AK5: variants seen among roughly 807,000 people sequenced by gnomAD.
The protein encoded by AK5 is adenylate kinase 5, also known as adenylate kinase isoenzyme 5.
Under a neutral mutation model 69.5 loss-of-function variants are expected in AK5, and 27 were observed. That is an observed-to-expected ratio of 0.39 (90% CI 0.29 to 0.54). AK5 has a LOEUF of 0.54. Among genes scored for constraint, AK5 ranks in the 20% least tolerant of loss-of-function variants. The pLI is 0.71. For missense variants in AK5, 531 were observed against 700.4 expected (o/e 0.76, Z 2.73); for synonymous variants, 260 against 244.4 (o/e 1.06, Z -0.60).
intron 10 of AK5, among the ~76,000 whole-genome samples, chr1:77,487,124 G>A (rs879724401): frequency 6.6e-6 from 1 of 152,164 alleles, no homozygotes; most frequent in Non-Finnish European, 1.5e-5. Flanking sequence ...GATTAATTGT[G>A]GGAGAAAATG....
At chr1:77,517,315 C>A (rs951736561) in intron 10 of AK5, among the ~76,000 whole-genome samples, 1 of 152,096 alleles carries the variant, frequency 6.6e-6, no homozygotes, top group African/African-American at 2.4e-5. Context: ...GATTGCCATA[C>A]GCCAGGCGGA....
At position 77,492,329 on chromosome 1, in the gene AK5, GCA is replaced by G. The variant is rs370508546; in HGVS notation, c.1147+5982_1147+5983del. 1.8e-4 allele frequency among the ~76,000 whole-genome samples: 28 copies of G among 152,304 alleles called. 1 individual carries two copies. Among genetic ancestry groups the G allele is most frequent in the African/African-American group, 6.7e-4 (28 of 41,562 alleles). ...TTTACTGTGAGTACATGGTAATGAA[GCA>G]CACAACTAGTACAGCAGGACTAATA... On this transcript the variant is annotated intron_variant, in intron 10 of 13. Coordinates refer to ENST00000354567, the MANE Select transcript of AK5 (RefSeq NM_174858.3).
chr1:77,431,805 G>A (rs1651657216), intron 8 of AK5, among the ~76,000 whole-genome samples: 1 of 152,152 alleles, frequency 6.6e-6, no homozygotes, highest in Non-Finnish European at 1.5e-5. Flanking sequence ...ATTCAGGGAG[G>A]TAAAGGAAGA....
chr1:77,411,846 C>A (rs1052041876), intron 7 of AK5, among the ~76,000 whole-genome samples: 5 of 152,102 alleles, frequency 3.3e-5, no homozygotes. Flanking sequence ...CAAAGAAAGA[C>A]AGAATTACAA....
rs115215777 is a variant in AK5 at position 77,437,857 on chromosome 1, C to T, written c.1059+20142C>T. ...AAGCAAAATTTTTATGTCAAAGATA[C>T]CTTCTATTATTCCCCTGAGCTCAAG... On this transcript the variant is annotated intron_variant, in intron 8 of 13. Transcript: ENST00000354567. 1.7e-3 allele frequency among the ~76,000 whole-genome samples: 265 copies of T among 152,106 alleles called. 1 individual carries two copies. The highest frequency in any genetic ancestry group is 2.9e-3 in the Non-Finnish European group (198 of 67,952).
chr1:77,333,729 A>G (rs776632844), intron 5 of AK5, among the ~76,000 whole-genome samples: 3 of 152,220 alleles, frequency 2.0e-5, no homozygotes, highest in African/African-American at 4.8e-5. Flanking sequence ...CTTGCACGCT[A>G]CAAGACCATA....
At chr1:77,427,996 C>A (rs994496058) in intron 8 of AK5, among the ~76,000 whole-genome samples, 9 of 152,228 alleles carry the variant, frequency 5.9e-5, no homozygotes, top group African/African-American at 2.2e-4. Context: ...CATGAAGGAT[C>A]TGCCTCCATG....
intron 5 of AK5, among the ~76,000 whole-genome samples, chr1:77,328,558 G>A (rs1383991224): frequency 2.0e-5 from 3 of 151,302 alleles, no homozygotes; most frequent in African/African-American, 4.8e-5. Flanking sequence ...TATCTTGAGA[G>A]CCTAATGTAC....
intron 10 of AK5, among the ~76,000 whole-genome samples, chr1:77,507,765 C>T (rs145235165): frequency 6.6e-6 from 1 of 152,336 alleles, no homozygotes; most frequent in East Asian, 1.9e-4. Flanking sequence ...CCTGCAGTGA[C>T]ATTGGAGAGT....
intron 8 of AK5, among the ~76,000 whole-genome samples, chr1:77,452,293 A>G (rs1653206388): frequency 6.6e-6 from 1 of 152,218 alleles, no homozygotes; most frequent in Non-Finnish European, 1.5e-5. Flanking sequence ...ACACTTGTTC[A>G]TGACTGGCAT....
At chr1:77,319,747 A>G (rs371632752) in intron 5 of AK5, among the ~76,000 whole-genome samples, 2 of 152,262 alleles carry the variant, frequency 1.3e-5, no homozygotes, top group East Asian at 3.8e-4. Flanking sequence ...TGCCAAAAAT[A>G]TAAATTCAAA....
At chr1:77,500,502 G>A (rs527301830) in intron 10 of AK5, among the ~76,000 whole-genome samples, 1 of 152,290 alleles carries the variant, frequency 6.6e-6, no homozygotes, top group East Asian at 1.9e-4. Context: ...AAGAAGGCAA[G>A]GCACGGTGGC....
intron 13 of AK5, among the ~76,000 whole-genome samples, chr1:77,555,033 C>A (rs777331914): frequency 2.0e-5 from 3 of 152,134 alleles, no homozygotes; most frequent in Non-Finnish European, 2.9e-5. Context: ...GTAATCCCAG[C>A]ACTTTGGGAG....
chr1:77,526,498 C>T lies in AK5; in HGVS notation c.1428+4555C>T, dbSNP rs1193058615. ...TTTTTTTTTTTTTTTTTTTTTGAGA[C>T]GGAGTCTCGCTCTGTCGCCCAGGCT... On this transcript the variant is annotated intron_variant, in intron 12 of 13. Coordinates refer to ENST00000354567, the MANE Select transcript of AK5 (RefSeq NM_174858.3). Among the ~76,000 whole-genome samples the T allele has an allele frequency of 2.7e-4, 27 of 100,224 alleles. No homozygotes were observed. The East Asian group carries it at 7.6e-3, about 28-fold the overall frequency. The allele number at this position is 100,224 out of a possible 152,430, so 65.8% of individuals were successfully genotyped here.
At chr1:77,503,722 T>C (rs1004759614) in intron 10 of AK5, among the ~76,000 whole-genome samples, 1 of 151,994 alleles carries the variant, frequency 6.6e-6, no homozygotes, top group Non-Finnish European at 1.5e-5. Context: ...GCCAACATGG[T>C]GAAACCCTGT....
At chr1:77,475,937 GA>G (rs1389729349) in intron 8 of AK5, among the ~76,000 whole-genome samples, 2 of 151,936 alleles carry the variant, frequency 1.3e-5, no homozygotes, top group Non-Finnish European at 2.9e-5. Context: ...TTGAGATGAT[GA>G]AAAAAGGAAC....
At chr1:77,465,442 T>C (rs998421800) in intron 8 of AK5, among the ~76,000 whole-genome samples, 1 of 152,170 alleles carries the variant, frequency 6.6e-6, no homozygotes, top group Non-Finnish European at 1.5e-5. Flanking sequence ...CAAAAGAAAG[T>C]AATATGCTTG....
At chr1:77,283,276 GC>G (rs1658165256) in intron 1 of AK5, 1 of 985,320 alleles carries the variant, frequency 1.0e-6, no homozygotes, top group Non-Finnish European at 1.2e-6. Context: ...AATCTCAAGT[GC>G]TTTTGCTTGA....
At chr1:77,375,679 A>T (rs534088961) in intron 6 of AK5, among the ~76,000 whole-genome samples, 3 of 152,318 alleles carry the variant, frequency 2.0e-5, no homozygotes, top group Admixed American at 2.0e-4. Flanking sequence ...AAACTGAATC[A>T]TCTTAGTGCT....
Sources: gnomAD v4.1 joint callset for allele counts (sites outside exome capture counted in the v4.1 genomes callset) on GRCh38, gnomAD v4.1.1 for gene constraint, MANE v1.5 for transcripts, NCBI Gene and HGNC (gene_info 2026-07-23, HGNC 2026-07-21) for gene names.